Variants in EFR3A observed in about 807,000 individuals in gnomAD.
The protein encoded by EFR3A is protein EFR3 homolog A.
In EFR3A, 76 loss-of-function variants were observed where a neutral mutation model predicts 104.4. The ratio of observed to expected loss-of-function variants is 0.73; its 90% CI spans 0.60 to 0.88. The LOEUF is 0.88. EFR3A is among the 40% of genes least tolerant of loss of function. The probability of loss-of-function intolerance (pLI) is 0.00; values close to 1 mark genes in which losing one functional copy is unlikely to be tolerated. For synonymous variants in EFR3A, 330 were observed against 330.0 expected (o/e 1.00, Z 0.00); for missense variants, 985 against 1,012.5 (o/e 0.97, Z 0.37).
At chr8:132,000,299 T>C (rs192773149) in intron 19 of EFR3A, among the ~76,000 whole-genome samples, 1 of 152,076 alleles carries the variant, frequency 6.6e-6, no homozygotes, top group Non-Finnish European at 1.5e-5. Context: ...CAGCTAATTT[T>C]TTGTATTTTT....
intron 18 of EFR3A, among the ~76,000 whole-genome samples, chr8:131,993,039 C>T (rs887951870): frequency 6.6e-6 from 1 of 152,044 alleles, no homozygotes; most frequent in African/African-American, 2.4e-5. Flanking sequence ...TTAGTTGTCA[C>T]AACTGGGACA....
chr8:131,962,440 A>C (rs555281849), intron 8 of EFR3A, among the ~76,000 whole-genome samples: 1 of 152,318 alleles, frequency 6.6e-6, no homozygotes, highest in African/African-American at 2.4e-5. Context: ...CTTTAAACCA[A>C]CAAAGATCAA....
At chr8:131,974,348 C>G in intron 10 of EFR3A, among the ~76,000 whole-genome samples, 1 of 152,180 alleles carries the variant, frequency 6.6e-6, no homozygotes, top group East Asian at 1.9e-4. Flanking sequence ...TTGCTAACTC[C>G]AAACTTTTAC....
At chr8:131,955,427 C>T (rs569265473) in intron 6 of EFR3A, among the ~76,000 whole-genome samples, 77 of 152,080 alleles carry the variant, frequency 5.1e-4, no homozygotes, top group African/African-American at 1.8e-3. Flanking sequence ...TTAAGGATAC[C>T]TAAAGATGGT....
At chr8:131,922,430 C>G (rs1392557334) in intron 1 of EFR3A, among the ~76,000 whole-genome samples, 1 of 152,020 alleles carries the variant, frequency 6.6e-6, no homozygotes, top group East Asian at 1.9e-4. Context: ...ATTAGGGATA[C>G]TCAACTAGTA....
chr8:131,977,398 C>G (rs1238889206), intron 12 of EFR3A, among the ~76,000 whole-genome samples: 1 of 152,082 alleles, frequency 6.6e-6, no homozygotes, highest in African/African-American at 2.4e-5. Context: ...CCACCAAAGT[C>G]ACTGGGCTAA....
chr8:131,941,136 A>C (rs1274863784), intron 2 of EFR3A, among the ~76,000 whole-genome samples: 2 of 152,096 alleles, frequency 1.3e-5, no homozygotes, highest in African/African-American at 4.8e-5. Flanking sequence ...TTGACCACAC[A>C]GTTTTTAGAA....
At chr8:131,968,567 T>A in intron 9 of EFR3A, 137 bp downstream of exon 9, 1 of 911,374 alleles carries the variant, frequency 1.1e-6, no homozygotes, top group African/African-American at 1.7e-5. Flanking sequence ...TTTTTGAAAT[T>A]TGGGTTCATG....
intron 2 of EFR3A, among the ~76,000 whole-genome samples, chr8:131,942,284 T>G (rs915091816): frequency 3.9e-5 from 6 of 152,124 alleles, no homozygotes; most frequent in African/African-American, 1.4e-4. Flanking sequence ...TGAATATATA[T>G]GGCAAACATT....
intron 1 of EFR3A, among the ~76,000 whole-genome samples, chr8:131,909,742 A>G (rs937371032): frequency 2.0e-5 from 3 of 152,290 alleles, no homozygotes; most frequent in Admixed American, 6.5e-5. Flanking sequence ...ACTATAGGAC[A>G]TTAAACATCA....
chr8:132,009,690 C>G (rs1586690692), intron 22 of EFR3A, among the ~76,000 whole-genome samples: 1 of 152,178 alleles, frequency 6.6e-6, no homozygotes, highest in South Asian at 2.1e-4. Flanking sequence ...TTCCACTTCA[C>G]TTCTTTTGCC....
intron 22 of EFR3A, among the ~76,000 whole-genome samples, chr8:132,004,249 G>A (rs1187538966): frequency 6.6e-6 from 1 of 152,150 alleles, no homozygotes; most frequent in East Asian, 1.9e-4. Context: ...TAGACAAGGG[G>A]TCCCCAACCC....
rs564409273 is a variant in EFR3A, at chr8:131,950,705, C to T, written c.488+615C>T. The stretch of plus-strand genomic sequence containing the variant: ...AGTATCGCGAATACTTTGAATAGTG[C>T]CTGGTACATAGTAGGCTCTCAGTTA... On this transcript the variant is annotated intron_variant, in intron 5 of 22. Coordinates refer to ENST00000254624, the MANE Select transcript of EFR3A (RefSeq NM_015137.6). 5.3e-5 allele frequency among the ~76,000 whole-genome samples: 8 copies of T among 152,192 alleles called. No homozygotes were observed. The East Asian group carries it at 1.5e-3, about 29-fold the overall frequency.
intron 8 of EFR3A, among the ~76,000 whole-genome samples, chr8:131,962,149 A>G (rs1260364178): frequency 6.6e-6 from 1 of 152,214 alleles, no homozygotes; most frequent in Non-Finnish European, 1.5e-5. Context: ...AAACTGCATC[A>G]ACTAACGAGC....
chr8:131,952,097 C>CT (rs1181738169), intron 5 of EFR3A, among the ~76,000 whole-genome samples: 7 of 152,028 alleles, frequency 4.6e-5, no homozygotes, highest in Non-Finnish European at 1.0e-4. Flanking sequence ...ATCTTTAACT[C>CT]TAATTTTCTG....
At chr8:131,961,397 A>G (rs1475760748) in intron 8 of EFR3A, among the ~76,000 whole-genome samples, 1 of 152,240 alleles carries the variant, frequency 6.6e-6, no homozygotes, top group African/African-American at 2.4e-5. Flanking sequence ...CCATGGCACG[A>G]GAACTACTTG....
At chr8:131,904,478 A>C (rs796306572) in intron 1 of EFR3A, among the ~76,000 whole-genome samples, 156 bp downstream of exon 1, 2 of 152,334 alleles carry the variant, frequency 1.3e-5, no homozygotes, top group African/African-American at 4.8e-5. Context: ...GTTTCGGCTT[A>C]GCCTTCCGGA....
At position 131,937,724 on chromosome 8, in the gene EFR3A, A is replaced by G. The variant is rs572695795; in HGVS notation, c.11-2775A>G. Among the ~76,000 whole-genome samples the G allele has an allele frequency of 5.3e-5, 8 of 151,972 alleles. No homozygotes were observed. In the South Asian group the frequency reaches 1.7e-3, roughly 31 times the overall value. On this transcript the variant is annotated intron_variant, in intron 1 of 22. Coordinates refer to ENST00000254624, the MANE Select transcript of EFR3A (RefSeq NM_015137.6). ...AGAATTAAATTTAAAGGAAGAATTT[A>G]TATTGCTTAGACTTGCCAGTTGTTG...
At position 131,946,473 on chromosome 8, in the gene EFR3A, CTACA is replaced by C. The variant is rs1818446488; in HGVS notation, c.216-8_216-5del. On this transcript the variant is annotated splice_polypyrimidine_tract_variant and splice_region_variant and intron_variant, in intron 3 of 22. Coordinates refer to ENST00000254624, the MANE Select transcript of EFR3A (RefSeq NM_015137.6). ...GAAATGCTTTGACATTCTTTTTCTC[CTACA>C]TGTAGGTATGTTTTGATTGCTATGG... 1.3e-6 allele frequency: 2 copies of C among 1,528,248 alleles called. No individual in the cohort carries two copies. Among genetic ancestry groups the C allele is most frequent in the South Asian group, 2.6e-5 (2 of 77,484 alleles). The allele number at this position is 1,528,248 out of a possible 1,614,324, so 94.7% of individuals were successfully genotyped here.
Sources: gnomAD v4.1 joint callset for allele counts (sites outside exome capture counted in the v4.1 genomes callset) on GRCh38, gnomAD v4.1.1 for gene constraint, MANE v1.5 for transcripts, NCBI Gene and HGNC (gene_info 2026-07-23, HGNC 2026-07-21) for gene names.